The following NRG1 variants were observed in gnomAD, a reference collection of about 807,000 sequenced individuals.
NRG1 encodes the protein neuregulin 1.
In NRG1, 18 loss-of-function variants were observed where a neutral mutation model predicts 63.8. The observed-to-expected ratio is 0.28, with a 90% CI of 0.19 to 0.42. The LOEUF is 0.42. Among genes scored for constraint, NRG1 ranks in the 10% least tolerant of loss-of-function variants. The pLI is 1.00. For missense variants in NRG1, 762 were observed against 814.7 expected, an observed-to-expected ratio of 0.94 and a Z score of 0.79; for synonymous variants, 302 against 301.3, an observed-to-expected ratio of 1.00 and a Z score of -0.02.
chr8:32,111,189 T>C (rs1213925324), intron 1 of NRG1, among the ~76,000 whole-genome samples: 1 of 152,190 alleles, frequency 6.6e-6, no homozygotes, highest in Admixed American at 6.5e-5. Flanking sequence ...TGCTCTTGGC[T>C]CACTGCAACC....
chr8:32,197,614 C>G (rs192203308), intron 1 of NRG1, among the ~76,000 whole-genome samples: 2 of 152,326 alleles, frequency 1.3e-5, no homozygotes, highest in African/African-American at 4.8e-5. Context: ...TTTAACCTTT[C>G]AGAAGTCACA....
chr8:32,411,917 G>A lies in NRG1; in HGVS notation c.38-183911G>A, dbSNP rs78610003. ...AACTGTCATAAGTTGGGGACCATGCGTACTCTGATAGTCAGTGTTATGTAT... is the reference window on the plus strand; with the variant it reads ...AACTGTCATAAGTTGGGGACCATGCATACTCTGATAGTCAGTGTTATGTAT... On this transcript the variant is annotated intron_variant, in intron 1 of 10. Transcript: ENST00000519301. Among the ~76,000 whole-genome samples, 48 of 152,264 alleles carry A rather than the reference G, an allele frequency of 3.2e-4. No individual in the cohort carries two copies. The East Asian group carries it at 5.8e-3, about 18-fold the overall frequency.
At chr8:32,705,471 G>A (rs930927715) in intron 5 of NRG1, among the ~76,000 whole-genome samples, 6 of 152,158 alleles carry the variant, frequency 3.9e-5, no homozygotes, top group African/African-American at 1.2e-4. Flanking sequence ...TATCCTTGAC[G>A]AAATGTGCTA....
chr8:31,775,203 C>T (rs1819002612), intron 1 of NRG1, among the ~76,000 whole-genome samples: 1 of 152,186 alleles, frequency 6.6e-6, no homozygotes, highest in Non-Finnish European at 1.5e-5. Context: ...CCTAAGTGTC[C>T]ATCATGGAGG....
downstream of NRG1, among the ~76,000 whole-genome samples, chr8:32,770,155 C>T (rs1029434593): frequency 2.6e-5 from 4 of 152,100 alleles, no homozygotes; most frequent in African/African-American, 9.7e-5. Flanking sequence ...AAAGAATTAC[C>T]TCTGTAGATT....
At chr8:32,061,404 T>C (rs531721481) in intron 1 of NRG1, among the ~76,000 whole-genome samples, 1 of 152,176 alleles carries the variant, frequency 6.6e-6, no homozygotes, top group African/African-American at 2.4e-5. Flanking sequence ...CAATGTATCA[T>C]TTTGTGATGA....
At chr8:32,199,351 G>A (rs553968137) in intron 1 of NRG1, among the ~76,000 whole-genome samples, 37 of 152,238 alleles carry the variant, frequency 2.4e-4, no homozygotes, top group Non-Finnish European at 4.1e-4. Context: ...ATTCCAGCTA[G>A]ATACTTTCTA....
rs938373300 is a variant in NRG1 at position 32,070,523 on chromosome 8, A to C, written c.37+431092A>C. Among the ~76,000 whole-genome samples, 14 of 152,166 alleles carry C rather than the reference A, an allele frequency of 9.2e-5. 1 individual carries two copies. The highest frequency in any genetic ancestry group is 2.9e-4 in the African/African-American group (12 of 41,442). ...ACTGCACTGGCTTTCCTGTTTTCCTAATGGCCATGATTATTTATCCAGTGA... is the reference window on the plus strand; with the variant it reads ...ACTGCACTGGCTTTCCTGTTTTCCTCATGGCCATGATTATTTATCCAGTGA... On this transcript the variant is annotated intron_variant, in intron 1 of 10. Coordinates refer to the NRG1 transcript ENST00000519301.
intron 1 of NRG1, among the ~76,000 whole-genome samples, chr8:32,276,382 C>A (rs567999667): frequency 6.6e-6 from 1 of 152,270 alleles, no homozygotes; most frequent in South Asian, 2.1e-4. Context: ...GAATTTCATT[C>A]TTTTTTACAG....
chr8:32,688,533 C>T (rs1322162298), intron 5 of NRG1, among the ~76,000 whole-genome samples: 1 of 152,150 alleles, frequency 6.6e-6, no homozygotes, highest in East Asian at 1.9e-4. Flanking sequence ...TCATCTTCAC[C>T]TGTCTGCCTC....
chr8:32,291,088 C>T (rs1854142521), intron 1 of NRG1, among the ~76,000 whole-genome samples: 1 of 152,134 alleles, frequency 6.6e-6, no homozygotes, highest in African/African-American at 2.4e-5. Context: ...AGCCAATGTC[C>T]CAGTTTGAAT....
intron 1 of NRG1, among the ~76,000 whole-genome samples, chr8:31,677,386 A>G (rs1807824049): frequency 1.3e-5 from 2 of 152,172 alleles, no homozygotes; most frequent in Non-Finnish European, 2.9e-5. Flanking sequence ...TATAGAATCT[A>G]TGGATTCTAA....
At chr8:31,771,347 G>T (rs1818606303) in intron 1 of NRG1, among the ~76,000 whole-genome samples, 1 of 152,208 alleles carries the variant, frequency 6.6e-6, no homozygotes, top group East Asian at 1.9e-4. Context: ...TTTTATGGAT[G>T]TAACACAGAT....
chr8:31,725,891 G>C (rs1268629399), intron 1 of NRG1, among the ~76,000 whole-genome samples: 1 of 152,116 alleles, frequency 6.6e-6, no homozygotes, highest in African/African-American at 2.4e-5. Flanking sequence ...AAGTGTAGTC[G>C]CTGTAATTGT....
chr8:31,718,936 T>C (rs2131296281), intron 1 of NRG1, among the ~76,000 whole-genome samples: 1 of 152,348 alleles, frequency 6.6e-6, no homozygotes, highest in South Asian at 2.1e-4. Context: ...TGTGTGTATG[T>C]ATGTATATGT....
intron 1 of NRG1, among the ~76,000 whole-genome samples, chr8:31,900,198 G>C (rs945573440): frequency 1.3e-5 from 2 of 152,160 alleles, no homozygotes; most frequent in African/African-American, 4.8e-5. Context: ...ATACAGTCCA[G>C]TATGTGAAAA....
chr8:32,674,788 C>T (rs1027992022), intron 5 of NRG1, among the ~76,000 whole-genome samples: 3 of 152,082 alleles, frequency 2.0e-5, no homozygotes, highest in African/African-American at 7.2e-5. Flanking sequence ...CTCCCCTCAC[C>T]TCCGGAGTTT....
At chr8:32,450,920 C>A (rs1418403849) in intron 1 of NRG1, among the ~76,000 whole-genome samples, 1 of 152,064 alleles carries the variant, frequency 6.6e-6, no homozygotes, top group Non-Finnish European at 1.5e-5. Flanking sequence ...AGAGAGGAAG[C>A]TTCCCAGAAC....
chr8:32,588,192 G>A (rs570994703), intron 1 of NRG1, among the ~76,000 whole-genome samples: 8 of 152,316 alleles, frequency 5.3e-5, no homozygotes, highest in African/African-American at 1.9e-4. Flanking sequence ...AAAGAGCTGG[G>A]ATTGCAGGTA....
Sources: allele counts gnomAD v4.1 joint callset (sites outside exome capture counted in the v4.1 genomes callset), GRCh38; gene constraint gnomAD v4.1.1; transcripts MANE v1.5; gene names NCBI Gene and HGNC (gene_info 2026-07-23, HGNC 2026-07-21).